Variants in GALNT17 observed in about 807,000 individuals in gnomAD.
GALNT17 encodes polypeptide N-acetylgalactosaminyltransferase 17.
In GALNT17, 29 loss-of-function variants were observed where a neutral mutation model predicts 63.7. The ratio of observed to expected loss-of-function variants is 0.46; its 90% CI spans 0.34 to 0.62. The LOEUF (loss-of-function observed/expected upper bound fraction) is 0.62. GALNT17 is among the 20% of genes least tolerant of loss of function. The pLI, the probability that GALNT17 is intolerant of heterozygous loss-of-function variation, is 0.01. For synonymous variants in GALNT17, 305 were observed against 318.3 expected (o/e 0.96, Z 0.45); for missense variants, 603 against 799.6 (o/e 0.75, Z 2.97).
intron 1 of GALNT17, among the ~76,000 whole-genome samples, chr7:71,312,917 C>T (rs1791435266): frequency 6.6e-6 from 1 of 152,080 alleles, no homozygotes; most frequent in African/African-American, 2.4e-5. Flanking sequence ...CAAGGCCAGC[C>T]TGGGCAGCAT....
At chr7:71,700,977 A>G (rs1331673974) in intron 9 of GALNT17, among the ~76,000 whole-genome samples, 1 of 152,226 alleles carries the variant, frequency 6.6e-6, no homozygotes, top group Non-Finnish European at 1.5e-5. Context: ...CTAGAGATAG[A>G]GCAGTGAACA....
chr7:71,558,475 G>A (rs1441525842), intron 5 of GALNT17, among the ~76,000 whole-genome samples: 1 of 151,974 alleles, frequency 6.6e-6, no homozygotes, highest in African/African-American at 2.4e-5. Context: ...TTAATTCTCT[G>A]GCCAGACAAA....
chr7:71,566,155 A>T (rs1298153797), intron 5 of GALNT17, among the ~76,000 whole-genome samples: 1 of 151,948 alleles, frequency 6.6e-6, no homozygotes, highest in Admixed American at 6.6e-5. Context: ...GATTACACGC[A>T]TGAGCCACAC....
chr7:71,499,114 T>A (rs1465881621), intron 5 of GALNT17, among the ~76,000 whole-genome samples: 1 of 149,080 alleles, frequency 6.7e-6, no homozygotes, highest in African/African-American at 2.5e-5. Context: ...TTTTTTTTTT[T>A]AAATCTCCAT....
intron 9 of GALNT17, among the ~76,000 whole-genome samples, chr7:71,706,935 T>C (rs563772536): frequency 6.6e-6 from 1 of 152,264 alleles, no homozygotes; most frequent in South Asian, 2.1e-4. Flanking sequence ...CCTGGCAATC[T>C]GGGAGGGGGC....
At chr7:71,625,709 T>A (rs1335546300) in intron 6 of GALNT17, among the ~76,000 whole-genome samples, 1 of 152,132 alleles carries the variant, frequency 6.6e-6, no homozygotes, top group Non-Finnish European at 1.5e-5. Flanking sequence ...ATGAAACACA[T>A]GACTTCAGCA....
At chr7:71,430,904 G>T (rs897526532) in intron 5 of GALNT17, among the ~76,000 whole-genome samples, 1 of 152,182 alleles carries the variant, frequency 6.6e-6, no homozygotes, top group Non-Finnish European at 1.5e-5. Flanking sequence ...GGCCAATTGT[G>T]TGCTCAGCTT....
intron 1 of GALNT17, among the ~76,000 whole-genome samples, chr7:71,252,478 T>G (rs954364998): frequency 6.6e-6 from 1 of 152,134 alleles, no homozygotes; most frequent in Admixed American, 6.5e-5. Flanking sequence ...TGAGCCAAGA[T>G]TGTACCACTG....
At chr7:71,440,344 A>G (rs1376425852) in intron 5 of GALNT17, among the ~76,000 whole-genome samples, 2 of 151,060 alleles carry the variant, frequency 1.3e-5, no homozygotes, top group Non-Finnish European at 2.9e-5. Context: ...GTTTTTTTCT[A>G]CAGCACAGTT....
intron 9 of GALNT17, among the ~76,000 whole-genome samples, chr7:71,699,432 C>T (rs1198904071): frequency 4.7e-5 from 7 of 148,682 alleles, no homozygotes; most frequent in African/African-American, 1.2e-4. Flanking sequence ...GCCGAGATTG[C>T]GCCACTGCGC....
chr7:71,640,362 C>T (rs1286002882), intron 6 of GALNT17, among the ~76,000 whole-genome samples: 4 of 152,056 alleles, frequency 2.6e-5, no homozygotes, highest in African/African-American at 9.7e-5. Flanking sequence ...AGCTCCACAC[C>T]AGGGGCTCTT....
chr7:71,580,862 G>A (rs1789626136), intron 6 of GALNT17, among the ~76,000 whole-genome samples: 2 of 152,288 alleles, frequency 1.3e-5, no homozygotes, highest in South Asian at 4.1e-4. Flanking sequence ...CATGTGTGGG[G>A]ATTAAGCCAA....
intron 5 of GALNT17, among the ~76,000 whole-genome samples, chr7:71,527,897 G>A (rs976881639): frequency 6.6e-6 from 1 of 152,086 alleles, no homozygotes. Context: ...CAATCCTTCT[G>A]TATTTATCTA....
chr7:71,607,023 G>A (rs573790426), intron 6 of GALNT17, among the ~76,000 whole-genome samples: 8 of 152,020 alleles, frequency 5.3e-5, no homozygotes, highest in Non-Finnish European at 1.2e-4. Flanking sequence ...AATACTAATT[G>A]ATACCAGGAG....
At chr7:71,444,485 G>A (rs1005108837) in intron 5 of GALNT17, among the ~76,000 whole-genome samples, 2 of 137,234 alleles carry the variant, frequency 1.5e-5, no homozygotes, top group Non-Finnish European at 2.9e-5. Context: ...GTGGAAAACA[G>A]GGGTGTCTTC....
At chr7:71,467,949 G>C (rs1005559778) in intron 5 of GALNT17, among the ~76,000 whole-genome samples, 1 of 152,152 alleles carries the variant, frequency 6.6e-6, no homozygotes, top group African/African-American at 2.4e-5. Flanking sequence ...CTCTACACCA[G>C]CCAGGCCTTG....
At chr7:71,243,645 C>T (rs1033932543) in intron 1 of GALNT17, among the ~76,000 whole-genome samples, 2 of 151,946 alleles carry the variant, frequency 1.3e-5, no homozygotes, top group African/African-American at 4.8e-5. Flanking sequence ...GTTCAAGTGA[C>T]CCCCCCATCT....
chr7:71,486,385 TA>T (rs1787910623), intron 5 of GALNT17, among the ~76,000 whole-genome samples: 2 of 130,106 alleles, frequency 1.5e-5, no homozygotes, highest in Non-Finnish European at 3.3e-5. Flanking sequence ...ATAATAATAA[TA>T]ATAGTAAATA....
intron 1 of GALNT17, among the ~76,000 whole-genome samples, chr7:71,250,998 T>C (rs1468049504): frequency 2.6e-5 from 4 of 152,368 alleles, no homozygotes; most frequent in African/African-American, 9.6e-5. Flanking sequence ...GCATAAGCAT[T>C]TCCCCAACAT....
Sources: allele counts gnomAD v4.1 joint callset (sites outside exome capture counted in the v4.1 genomes callset), GRCh38; gene constraint gnomAD v4.1.1; transcripts MANE v1.5; gene names NCBI Gene and HGNC (gene_info 2026-07-23, HGNC 2026-07-21).